DAP3: variants seen among roughly 807,000 people sequenced by gnomAD.
The protein encoded by DAP3 is death associated protein 3, also known as small ribosomal subunit protein mS29.
DAP3 carries 28 observed loss-of-function variants against 51.9 expected under a neutral mutation model. That is an observed-to-expected ratio of 0.54 (90% CI 0.40 to 0.74). DAP3 has a LOEUF of 0.74. Ranked by LOEUF, DAP3 falls within the 30% of genes least tolerant of loss-of-function variation. The pLI, the probability that DAP3 is intolerant of heterozygous loss-of-function variation, is 0.00. For missense variants in DAP3, 458 were observed against 483.5 expected, an observed-to-expected ratio of 0.95 and a Z score of 0.49; for synonymous variants, 170 against 170.3, an observed-to-expected ratio of 1.00 and a Z score of 0.01.
chr1:155,721,798 A>C (rs1266319116), intron 4 of DAP3, 180 bp downstream of exon 4: 1 of 586,414 alleles, frequency 1.7e-6, no homozygotes, highest in African/African-American at 1.9e-5. Flanking sequence ...TTTAAACAAT[A>C]TTGATGTTTT....
upstream of DAP3, chr1:155,688,308 C>A: frequency 6.4e-7 from 1 of 1,564,490 alleles, no homozygotes; most frequent in Non-Finnish European, 8.7e-7. Context: ...CCTCGCAAAG[C>A]GAACCCAAAA....
intron 6 of DAP3, chr1:155,726,867 C>G (rs559970418): frequency 6.6e-6 from 1 of 151,796 alleles, no homozygotes; most frequent in Admixed American, 6.6e-5. Context: ...ATGATTTCTT[C>G]GTGATATTAC....
rs1380500621 is a variant in DAP3, at chr1:155,721,678, G to A, written c.270+60G>A. On this transcript the variant is annotated intron_variant, in intron 4 of 12. Coordinates refer to ENST00000368336, the MANE Select transcript of DAP3 (RefSeq NM_004632.4). ...CAGAATACAAGCTGCTGCTAGCAAA[G>A]GGGTGGGGCTAAATGAGAAGAAAAT... The A allele has an allele frequency of 3.3e-6, 5 of 1,521,840 alleles. No individual in the cohort carries two copies. The East Asian group carries it at 9.0e-5, about 27-fold the overall frequency. 94.3% of individuals were successfully genotyped at this position (1,521,840 alleles called of 1,614,324 possible).
intron 2 of DAP3, among the ~76,000 whole-genome samples, chr1:155,711,179 A>G (rs348207): frequency 0.064 from 9,685 of 152,134 alleles, 1,067 homozygotes; most frequent in African/African-American, 0.22. Flanking sequence ...TCAACTGATC[A>G]TATTACAAGG....
At chr1:155,712,353 C>T (rs1434917285) in intron 2 of DAP3, among the ~76,000 whole-genome samples, 1 of 152,140 alleles carries the variant, frequency 6.6e-6, no homozygotes, top group Non-Finnish European at 1.5e-5. Flanking sequence ...TGGCTTACAC[C>T]TGTAATCCCA....
chr1:155,711,596 T>G (rs938831962), intron 2 of DAP3, among the ~76,000 whole-genome samples: 10 of 151,722 alleles, frequency 6.6e-5, no homozygotes, highest in Non-Finnish European at 1.0e-4. Context: ...TTTTTTTTTT[T>G]ACTAGTTTGG....
At chr1:155,711,096 A>T (rs1656638336) in intron 2 of DAP3, among the ~76,000 whole-genome samples, 1 of 151,890 alleles carries the variant, frequency 6.6e-6, no homozygotes, top group African/African-American at 2.4e-5. Flanking sequence ...AGGCCTATAT[A>T]TTAATACATA....
upstream of DAP3, chr1:155,688,777 T>G: frequency 6.8e-7 from 1 of 1,462,764 alleles, no homozygotes; most frequent in Non-Finnish European, 9.1e-7. Context: ...CACCCTACAC[T>G]CCTCGCGCGT....
intron 1 of DAP3, among the ~76,000 whole-genome samples, chr1:155,706,043 G>A (rs1655926976): frequency 6.6e-6 from 1 of 152,016 alleles, no homozygotes. Context: ...AGATCTGAGT[G>A]TATCATGCAG....
At chr1:155,695,310 T>A (rs943286076) in intron 1 of DAP3, among the ~76,000 whole-genome samples, 6 of 152,210 alleles carry the variant, frequency 3.9e-5, no homozygotes, top group Admixed American at 1.3e-4. Context: ...TGCCAGATCA[T>A]GTTAGGTGCC....
Position 155,738,937 on chromosome 1 carries a change from A to G in DAP3, c.*695A>G, listed in dbSNP as rs1380561500. ...CAGTGAGCCAAAATTGCACCACTGC[A>G]CTCCAGCCTGGGCAGCAGAGCAAGA... On this transcript the variant is annotated 3_prime_UTR_variant, in exon 13 of 13. Transcript: ENST00000368336. 6.6e-6 allele frequency: 1 copy of G among 150,766 alleles called. No homozygotes were observed. The highest frequency in any genetic ancestry group is 2.4e-5 in the African/African-American group (1 of 41,242). The allele number at this position is 150,766 out of a possible 1,614,324, so 9.3% of individuals were successfully genotyped here.
At chr1:155,688,387 T>C (rs1399334270), upstream of DAP3, 4 of 1,543,148 alleles carry the variant, frequency 2.6e-6, no homozygotes, top group African/African-American at 5.5e-5. Flanking sequence ...TAAGGGCGCC[T>C]AGCGACACCC....
intron 1 of DAP3, among the ~76,000 whole-genome samples, chr1:155,706,808 G>C (rs1656046107): frequency 2.0e-5 from 3 of 151,522 alleles, no homozygotes; most frequent in African/African-American, 7.3e-5. Flanking sequence ...TGATAGCCAA[G>C]GGGGCCGGGT....
chr1:155,711,669 T>C (rs1214655643), intron 2 of DAP3, among the ~76,000 whole-genome samples: 1 of 151,160 alleles, frequency 6.6e-6, no homozygotes, highest in African/African-American at 2.4e-5. Context: ...TAGAAGTATA[T>C]ATGAAGGAGA....
chr1:155,701,688 TA>T (rs766433912), intron 1 of DAP3, among the ~76,000 whole-genome samples: 3,482 of 111,968 alleles, frequency 0.031, 68 homozygotes, highest in African/African-American at 0.071. Flanking sequence ...AAAAATAAAT[TA>T]AAAAAAAAAA....
chr1:155,720,891 G>T (rs759786119), intron 3 of DAP3, among the ~76,000 whole-genome samples: 1 of 152,064 alleles, frequency 6.6e-6, no homozygotes, highest in Non-Finnish European at 1.5e-5. Flanking sequence ...ACAAAAATTA[G>T]CTGGGCGTGG....
chr1:155,698,087 T>C (rs1271602414), intron 1 of DAP3, among the ~76,000 whole-genome samples: 1 of 152,240 alleles, frequency 6.6e-6, no homozygotes, highest in Non-Finnish European at 1.5e-5. Flanking sequence ...GTTGTTATCC[T>C]GTTCTTTTCA....
intron 1 of DAP3, among the ~76,000 whole-genome samples, chr1:155,696,899 C>A (rs1654584293): frequency 6.6e-6 from 1 of 152,132 alleles, no homozygotes; most frequent in Admixed American, 6.5e-5. Flanking sequence ...TCTATAATAA[C>A]AAGCAGCCAG....
intron 1 of DAP3, among the ~76,000 whole-genome samples, chr1:155,708,059 T>G (rs912295027): frequency 1.8e-4 from 27 of 152,272 alleles, no homozygotes; most frequent in African/African-American, 2.9e-4. Context: ...TTTTGGTTTT[T>G]GTTTTGAGAC....
Sources: allele counts gnomAD v4.1 joint callset (sites outside exome capture counted in the v4.1 genomes callset), GRCh38; gene constraint gnomAD v4.1.1; transcripts MANE v1.5; gene names NCBI Gene and HGNC (gene_info 2026-07-23, HGNC 2026-07-21).